Variants in GPAT2 observed in about 807,000 individuals in gnomAD.
GPAT2 encodes the protein glycerol-3-phosphate acyltransferase 2, mitochondrial.
GPAT2 carries 51 observed loss-of-function variants against 71.0 expected under a neutral mutation model. The observed-to-expected ratio is 0.72, with a 90% CI of 0.57 to 0.91. The LOEUF (loss-of-function observed/expected upper bound fraction) is 0.91, where lower values mean the gene tolerates loss of function less well. GPAT2 is among the 40% of genes least tolerant of loss of function. GPAT2 has a pLI of 0.00. For synonymous variants in GPAT2, 222 were observed against 290.3 expected (o/e 0.76, Z 2.39); for missense variants, 511 against 666.0 (o/e 0.77, Z 2.56).
intron 14 of GPAT2, 32 bp downstream of exon 14, chr2:96,024,741 C>G: frequency 6.2e-7 from 1 of 1,613,932 alleles, no homozygotes; most frequent in Non-Finnish European, 8.5e-7. Flanking sequence ...CCCCCCCCAC[C>G]GCCCAGGTCC....
rs375799458 is a variant in GPAT2, at chr2:96,023,944, G to T, written c.1893C>A (p.Cys631Ter). 4 of 1,604,214 alleles carry T rather than the reference G, an allele frequency of 2.5e-6. No homozygotes were observed. The African/African-American group carries it at 5.3e-5, about 21-fold the overall frequency. ...CQEVLDRLIQ[C>*]GLLVAEETPG... ...CTACCTCCTCAGCAACCAGGAGCCCGCATTGGATGAGCCGGTCCAGCACCT... is the reference window on the plus strand; with the variant it reads ...CTACCTCCTCAGCAACCAGGAGCCCTCATTGGATGAGCCGGTCCAGCACCT... The change falls in exon 17 of 22, where the codon TGC (cysteine) becomes TGA (stop). Residue 631 changes from cysteine (C) to a stop codon, truncating the protein, a stop_gained. Coordinates refer to ENST00000434632, the MANE Select transcript of GPAT2 (RefSeq NM_001321527.2). LOFTEE classifies it high-confidence loss of function.
Position 96,026,300 on chromosome 2 carries a change from C to T in GPAT2, c.1038G>A (p.Ser346=), listed in dbSNP as rs775973169. ...CTCCTGTCCACAGCCCCAGGGGGGC[C>T]GAGGCCTGCAAGGAGGGAAAGGATA... The part of the protein sequence containing the change: ...PDAPCDIDHA[S]APLGLWTGAL... Residue 346 remains serine (S), a synonymous_variant, in exon 11 of 22, where the codon TCG becomes TCA. Coordinates refer to ENST00000434632, the MANE Select transcript of GPAT2 (RefSeq NM_001321527.2). 65 of 1,539,900 alleles carry T rather than the reference C, an allele frequency of 4.2e-5. No homozygotes were observed. Among genetic ancestry groups the T allele is most frequent in the East Asian group, 2.3e-5 (1 of 43,564 alleles).
rs749442677 is a variant in GPAT2, at chr2:96,024,778, G to C, written c.1423C>G (p.Gln475Glu). 2 of 1,613,922 alleles carry C rather than the reference G, an allele frequency of 1.2e-6. No homozygotes were observed. The highest frequency in any genetic ancestry group is 2.2e-5 in the South Asian group (2 of 91,066). The stretch of plus-strand genomic sequence containing the variant: ...CACCACATTGCACCCCCTACCTTCT[G>C]ATGCTTGAAGAGCAGCAGCGTTGCC... ...IMATLLLFKH[Q>E]KGVFLSQLLG... Residue 475 changes from glutamine (Q) to glutamate (E), a missense_variant, in exon 14 of 22, where the codon CAG becomes GAG. Physicochemically the swap from Gln to Glu is conservative, Grantham distance 29. Coordinates refer to ENST00000434632, the MANE Select transcript of GPAT2 (RefSeq NM_001321527.2).
chr2:96,024,857 G>C lies in GPAT2; in HGVS notation c.1358-14C>G. ...TCCCTACACTGGCTGGAGTGGGGCG[G>C]GGGGTGGAGATGCTGGTCAGGTTGA... On this transcript the variant is annotated splice_polypyrimidine_tract_variant and intron_variant, in intron 13 of 21. Coordinates refer to ENST00000434632, the MANE Select transcript of GPAT2 (RefSeq NM_001321527.2). 6.2e-7 allele frequency: 1 copy of C among 1,612,264 alleles called. No individual in the cohort carries two copies. The highest frequency in any genetic ancestry group is 8.5e-7 in the Non-Finnish European group (1 of 1,179,910).
chr2:96,024,908 A>G (rs1680224342), intron 13 of GPAT2, 65 bp from the exon 14 acceptor site: 1 of 1,570,186 alleles, frequency 6.4e-7, no homozygotes, highest in Non-Finnish European at 8.8e-7. Context: ...TCCCTCCATG[A>G]TCTAGCAAGT....
chr2:96,022,561 C>T, intron 21 of GPAT2, 107 bp downstream of exon 21: 5 of 1,183,474 alleles, frequency 4.2e-6, no homozygotes. Context: ...AATGAGGCAC[C>T]ATCAGGCCAG....
At chr2:96,026,043 C>T (rs1573863070) in intron 11 of GPAT2, 31 bp from the exon 12 acceptor site, 3 of 1,610,062 alleles carry the variant, frequency 1.9e-6, no homozygotes, top group Non-Finnish European at 2.5e-6. Context: ...AGGTGGCCTG[C>T]TCGGGCCCAC....
intron 12 of GPAT2, 66 bp downstream of exon 12, chr2:96,025,864 T>C: frequency 2.1e-6 from 3 of 1,445,798 alleles, no homozygotes; most frequent in East Asian, 4.5e-5. Flanking sequence ...ATATGGGGGA[T>C]ACATAAGCTG....
At chr2:96,026,440 G>C in intron 10 of GPAT2, 135 bp from the exon 11 acceptor site, 2 of 781,534 alleles carry the variant, frequency 2.6e-6, no homozygotes, top group Non-Finnish European at 3.7e-6. Flanking sequence ...GGCCCAAACT[G>C]GTGCGTGACC....
chr2:96,023,059 C>T (rs372931820), intron 19 of GPAT2, 36 bp from the exon 20 acceptor site: 220 of 1,613,874 alleles, frequency 1.4e-4, no homozygotes, highest in Non-Finnish European at 1.8e-4. Flanking sequence ...TGGCACCCAG[C>T]ACAGACACAG....
At chr2:96,023,489 C>T (rs771293959) in intron 17 of GPAT2, 49 bp from the exon 18 acceptor site, 3 of 1,597,188 alleles carry the variant, frequency 1.9e-6, no homozygotes, top group Admixed American at 1.7e-5. Flanking sequence ...CAGGGATCAA[C>T]CCTACACCCC....
chr2:96,023,427 C>T lies in GPAT2; in HGVS notation c.1928G>A (p.Arg643Gln), dbSNP rs888362078. The T allele has an allele frequency of 8.7e-6, 14 of 1,613,870 alleles. No homozygotes were observed. Among genetic ancestry groups the T allele is most frequent in the South Asian group, 2.2e-5 (2 of 91,092 alleles). Reference sequence around the variant, plus strand: ...CTGTCGCCCTGTGTCACAGGCTGGCCGGGAGCCTGGGGTCTAGGGGCCGTG... The same window carrying T: ...CTGTCGCCCTGTGTCACAGGCTGGCTGGGAGCCTGGGGTCTAGGGGCCGTG... ...LLVAEETPGSRPACDTGRQRL... is the reference protein window; with the variant it reads ...LLVAEETPGSQPACDTGRQRL... The change falls in exon 18 of 22, where the codon CGG becomes CAG. Residue 643 changes from arginine to glutamine, a missense_variant. Physicochemically the swap from Arg to Gln is conservative, Grantham distance 43. Transcript: ENST00000434632.
intron 17 of GPAT2, 40 bp from the exon 18 acceptor site, chr2:96,023,480 A>G: frequency 2.5e-6 from 4 of 1,610,254 alleles, no homozygotes; most frequent in South Asian, 1.1e-5. Flanking sequence ...CAAGCTGGCC[A>G]GGGATCAACC....
In GPAT2 at chr2:96,032,071, C is replaced by A; in HGVS notation, c.139G>T (p.Val47Leu). 6.5e-7 allele frequency: 1 copy of A among 1,542,532 alleles called. No homozygotes were observed. Among genetic ancestry groups the A allele is most frequent in the Non-Finnish European group, 8.9e-7 (1 of 1,126,720 alleles). Residue 47 changes from valine (V) to leucine (L), a missense_variant, in exon 3 of 22, where the codon GTG (valine) becomes TTG (leucine). Physicochemically the swap from Val to Leu is conservative, Grantham distance 32. Around this residue, in one of 7 missense-constraint regions of GPAT2, gnomAD observed 21 missense variants for 71.6 expected, o/e 0.29. Transcript: ENST00000434632. ...TPFLGKYRPF[V>L]GRCCQTCTPK... ...GTGCAGGTCTGGCAACAGCGACCCA[C>A]AAAGGGGCGATACTTCCCCAGGAAT...
chr2:96,023,890 G>A (rs1308838820), intron 17 of GPAT2, 33 bp downstream of exon 17: 1 of 1,555,662 alleles, frequency 6.4e-7, no homozygotes, highest in South Asian at 1.2e-5. Flanking sequence ...CCAGGCTCCA[G>A]GCAAGGATCT....
At chr2:96,023,892 C>T (rs1207753020) in intron 17 of GPAT2, 31 bp downstream of exon 17, 30 of 1,557,360 alleles carry the variant, frequency 1.9e-5, no homozygotes, top group Non-Finnish European at 2.5e-5. Flanking sequence ...AGGCTCCAGG[C>T]AAGGATCTTG....
chr2:96,025,712 G>T (rs1680325328), intron 12 of GPAT2, 109 bp from the exon 13 acceptor site: 3 of 1,439,680 alleles, frequency 2.1e-6, no homozygotes, highest in Non-Finnish European at 2.8e-6. Context: ...CCAGCCCCAG[G>T]ACAGAGGATG....
In GPAT2 at chr2:96,025,301, G is replaced by C. The variant is rs1374300026; in HGVS notation, c.1357+184C>G. 1.8e-5 allele frequency: 14 copies of C among 794,926 alleles called. No homozygotes were observed. In the East Asian group the frequency reaches 2.0e-4, roughly 11 times the overall value. 49.2% of individuals were successfully genotyped at this position (794,926 alleles called of 1,614,324 possible). A position where few individuals can be genotyped will look rare whatever the true frequency, so the allele number is the denominator to read the frequency against. ...TGCATGCACTTAGCTGCTCCCTTAT[G>C]ATGGCCCTGGCTGCCTGCTCCTCCT... On this transcript the variant is annotated intron_variant, in intron 13 of 21. Transcript: ENST00000434632.
chr2:96,024,836 T>C lies in GPAT2; in HGVS notation c.1365A>G (p.Val455=), dbSNP rs528096021. The C allele has an allele frequency of 2.9e-5, 46 of 1,613,004 alleles. No individual in the cohort carries two copies. The highest frequency in any genetic ancestry group is 8.9e-5 in the East Asian group (4 of 44,870). ...RLSCHVLSAS[V]GSSAVMSTAI... ...CCGTGCTCATCACCGCAGAGCTCCC[T>C]ACACTGGCTGGAGTGGGGCGGGGGG... The change falls in exon 14 of 22, where the codon GTA becomes GTG. Residue 455 remains valine (V), a synonymous_variant. Coordinates refer to ENST00000434632, the MANE Select transcript of GPAT2 (RefSeq NM_001321527.2).
Sources: allele counts gnomAD v4.1 joint callset, GRCh38; gene constraint gnomAD v4.1.1; regional missense constraint gnomAD v4.1.1; transcripts MANE v1.5; gene names NCBI Gene and HGNC (gene_info 2026-07-23, HGNC 2026-07-21).